AZIN2: variants seen among roughly 807,000 people sequenced by gnomAD.
AZIN2 encodes antizyme inhibitor 2.
A neutral mutation model predicts 47.8 loss-of-function variants in AZIN2; 28 were observed. The ratio of observed to expected loss-of-function variants is 0.59; its 90% CI spans 0.43 to 0.80. The LOEUF is 0.80. AZIN2 is among the 30% of genes least tolerant of loss of function. AZIN2 has a pLI of 0.00. For synonymous variants in AZIN2, 221 were observed against 239.4 expected, an observed-to-expected ratio of 0.92 and a Z score of 0.71; for missense variants, 535 against 582.5, an observed-to-expected ratio of 0.92 and a Z score of 0.84.
intron 10 of AZIN2, among the ~76,000 whole-genome samples, chr1:33,104,673 C>T (rs1384915377): frequency 6.6e-6 from 1 of 152,022 alleles, no homozygotes; most frequent in South Asian, 2.1e-4. Context: ...TTGATTTCTA[C>T]TTTTTTTGGG....
At chr1:33,087,822 A>T (rs1642096323) in intron 5 of AZIN2, among the ~76,000 whole-genome samples, 1 of 152,138 alleles carries the variant, frequency 6.6e-6, no homozygotes, top group African/African-American at 2.4e-5. Context: ...AAGATGAAAG[A>T]GAACACTGCT....
Position 33,120,276 on chromosome 1 carries a change from G to C in AZIN2, c.*94G>C. ...TGGCAGGCAAGGGTACCCTTGGCCAGGACTCTGGTGCCCACCCTGCCACCC... is the reference window on the plus strand; with the variant it reads ...TGGCAGGCAAGGGTACCCTTGGCCACGACTCTGGTGCCCACCCTGCCACCC... On this transcript the variant is annotated 3_prime_UTR_variant, in exon 12 of 12. Transcript: ENST00000294517. 6.6e-7 allele frequency: 1 copy of C among 1,507,958 alleles called. No individual in the cohort carries two copies. Among genetic ancestry groups the C allele is most frequent in the Non-Finnish European group, 8.9e-7 (1 of 1,125,368 alleles). 93.4% of individuals were successfully genotyped at this position (1,507,958 alleles called of 1,614,324 possible).
intron 5 of AZIN2, among the ~76,000 whole-genome samples, chr1:33,090,891 T>C (rs1275900693): frequency 6.6e-6 from 1 of 152,230 alleles, no homozygotes; most frequent in Non-Finnish European, 1.5e-5. Flanking sequence ...CACCATTCTA[T>C]GCTGCTTCTC....
At chr1:33,138,292 C>A in the AZIN2 span, among the ~76,000 whole-genome samples, 1 of 152,082 alleles carries the variant, frequency 6.6e-6, no homozygotes, top group South Asian at 2.1e-4. Context: ...GAATAACAAT[C>A]TTTTATTAAG....
chr1:33,135,055 G>A, the AZIN2 span, among the ~76,000 whole-genome samples: 8 of 152,236 alleles, frequency 5.3e-5, no homozygotes, highest in Admixed American at 4.6e-4. Context: ...GGGAGCCGAT[G>A]TGGGTGGATC....
chr1:33,107,174 C>G (rs1208790541), intron 10 of AZIN2, among the ~76,000 whole-genome samples: 1 of 152,050 alleles, frequency 6.6e-6, no homozygotes, highest in Non-Finnish European at 1.5e-5. Context: ...ATCCTAGCTA[C>G]TTAGGAGGCT....
chr1:33,135,631 A>G, the AZIN2 span, among the ~76,000 whole-genome samples: 4 of 152,084 alleles, frequency 2.6e-5, no homozygotes, highest in Non-Finnish European at 5.9e-5. Flanking sequence ...TCCCTCAAAC[A>G]TGCTGTTCCT....
chr1:33,128,983 C>G, the AZIN2 span, among the ~76,000 whole-genome samples: 1 of 152,150 alleles, frequency 6.6e-6, no homozygotes, highest in Non-Finnish European at 1.5e-5. Context: ...AGGATTAGGA[C>G]AGGCGTGGCA....
the AZIN2 span, among the ~76,000 whole-genome samples, chr1:33,151,668 A>G: frequency 1.3e-5 from 2 of 152,172 alleles, no homozygotes; most frequent in Non-Finnish European, 2.9e-5. Context: ...GGACACCAAG[A>G]TTTATAAAAA....
chr1:33,126,098 ATAT>A (rs1374198241), downstream of AZIN2, among the ~76,000 whole-genome samples: 5 of 152,222 alleles, frequency 3.3e-5, no homozygotes, highest in Non-Finnish European at 7.3e-5. Context: ...ACTGTCTAAC[ATAT>A]TATACATTTC....
At chr1:33,104,346 T>C (rs955729045) in intron 10 of AZIN2, among the ~76,000 whole-genome samples, 1 of 152,234 alleles carries the variant, frequency 6.6e-6, no homozygotes, top group African/African-American at 2.4e-5. Context: ...CATATGCATG[T>C]GTGCATGTAT....
At chr1:33,140,614 C>A in the AZIN2 span, among the ~76,000 whole-genome samples, 1 of 152,214 alleles carries the variant, frequency 6.6e-6, no homozygotes, top group Admixed American at 6.5e-5. This position sits in a 1 kb window ranked among gnomAD's most constrained non-coding sequence, Gnocchi z 4.0. Context: ...ATCAGGGAAC[C>A]CCCTTGGGCC....
chr1:33,134,754 C>T, the AZIN2 span, among the ~76,000 whole-genome samples: 39 of 152,326 alleles, frequency 2.6e-4, no homozygotes, highest in Admixed American at 1.3e-3. Flanking sequence ...CAGCTTGCTG[C>T]GCCTGCCCTC....
intron 10 of AZIN2, among the ~76,000 whole-genome samples, chr1:33,100,850 T>G (rs1260166710): frequency 2.6e-5 from 4 of 152,124 alleles, no homozygotes; most frequent in Non-Finnish European, 4.4e-5. Context: ...GTGCATTTGG[T>G]TGCCATCTCT....
chr1:33,139,015 C>T, the AZIN2 span, among the ~76,000 whole-genome samples: 7 of 152,182 alleles, frequency 4.6e-5, no homozygotes, highest in East Asian at 1.9e-4. Flanking sequence ...CTGCAAGACT[C>T]GCACTGACTG....
At chr1:33,103,416 A>G (rs555056931) in intron 10 of AZIN2, among the ~76,000 whole-genome samples, 6 of 152,192 alleles carry the variant, frequency 3.9e-5, no homozygotes, top group Admixed American at 2.6e-4. Context: ...TCGCTCGCCC[A>G]GAATGCTCTT....
chr1:33,092,844 C>T (rs775352957), intron 6 of AZIN2, among the ~76,000 whole-genome samples: 6 of 152,168 alleles, frequency 3.9e-5, no homozygotes, highest in Non-Finnish European at 8.8e-5. Flanking sequence ...GATTACTGGA[C>T]ACCCTTGGAC....
At chr1:33,088,123 A>G (rs1380900236) in intron 5 of AZIN2, among the ~76,000 whole-genome samples, 1 of 152,004 alleles carries the variant, frequency 6.6e-6, no homozygotes, top group Non-Finnish European at 1.5e-5. Context: ...CATGGCTTTA[A>G]ATACCATCAA....
At chr1:33,106,546 A>G (rs976392481) in intron 10 of AZIN2, among the ~76,000 whole-genome samples, 1 of 152,234 alleles carries the variant, frequency 6.6e-6, no homozygotes, top group Non-Finnish European at 1.5e-5. Context: ...GCACATTAAA[A>G]GGATCATACA....
Sources: gnomAD v4.1 joint callset for allele counts (sites outside exome capture counted in the v4.1 genomes callset) on GRCh38, gnomAD v4.1.1 for gene constraint, Gnocchi (gnomAD v3.1) non-coding constraint, MANE v1.5 for transcripts, NCBI Gene and HGNC (gene_info 2026-07-23, HGNC 2026-07-21) for gene names.